Variants in GRID1 observed in about 807,000 individuals in gnomAD.
GRID1 encodes the protein glutamate ionotropic receptor delta type subunit 1.
GRID1 carries 28 observed loss-of-function variants against 98.0 expected under a neutral mutation model. That is an observed-to-expected ratio of 0.29 (90% CI 0.21 to 0.39). The LOEUF (loss-of-function observed/expected upper bound fraction) is 0.39. GRID1 is among the 10% of genes least tolerant of loss of function. The pLI is 1.00. For synonymous variants in GRID1, 553 were observed against 538.5 expected (o/e 1.03, Z -0.37); for missense variants, 1,111 against 1,340.5 (o/e 0.83, Z 2.67).
In GRID1 at chr10:86,161,744, C is replaced by T. The variant is rs1367680746; in HGVS notation, c.521-22720G>A. Among the ~76,000 whole-genome samples, 5 of 152,150 alleles carry T rather than the reference C, an allele frequency of 3.3e-5. No homozygotes were observed. In the South Asian group the frequency reaches 6.2e-4, roughly 19 times the overall value. On this transcript the variant is annotated intron_variant, in intron 3 of 15. Transcript: ENST00000327946. ...CAGGTGGAGATGACTTGCTGGCTGA[C>T]TTGCCTGAGCCACAGGCTTGCAAGC...
chr10:85,958,786 C>G (rs941368321), intron 4 of GRID1, among the ~76,000 whole-genome samples: 1 of 151,716 alleles, frequency 6.6e-6, no homozygotes, highest in Admixed American at 6.6e-5. Flanking sequence ...GGAGAAACCC[C>G]ATCTCTACTA....
At chr10:86,184,135 T>G (rs191559072) in intron 3 of GRID1, among the ~76,000 whole-genome samples, 306 of 152,300 alleles carry the variant, frequency 2.0e-3, no homozygotes, top group African/African-American at 7.0e-3. Context: ...GTTTTAAGAG[T>G]TTTTATACTC....
intron 2 of GRID1, among the ~76,000 whole-genome samples, chr10:86,302,551 T>A (rs1847704551): frequency 6.6e-6 from 1 of 152,160 alleles, no homozygotes; most frequent in Non-Finnish European, 1.5e-5. Flanking sequence ...CTTGATATGA[T>A]GATATTTGAA....
At chr10:86,324,613 T>C (rs963647399) in intron 2 of GRID1, among the ~76,000 whole-genome samples, 3 of 151,808 alleles carry the variant, frequency 2.0e-5, no homozygotes, top group African/African-American at 4.8e-5. Context: ...AACAAAAACC[T>C]GGACAAAGAA....
chr10:86,259,888 T>G (rs1047412440), intron 2 of GRID1, among the ~76,000 whole-genome samples: 1 of 152,232 alleles, frequency 6.6e-6, no homozygotes, highest in Non-Finnish European at 1.5e-5. Context: ...GTTCCTCCAT[T>G]CAGTGGGAAG....
At chr10:86,104,960 C>T (rs1240688961) in intron 4 of GRID1, among the ~76,000 whole-genome samples, 2 of 152,202 alleles carry the variant, frequency 1.3e-5, no homozygotes, top group African/African-American at 2.4e-5. Flanking sequence ...TGACAGGCCT[C>T]GTGCCCCCAT....
At chr10:86,083,989 C>T (rs1844014047) in intron 4 of GRID1, among the ~76,000 whole-genome samples, 1 of 152,226 alleles carries the variant, frequency 6.6e-6, no homozygotes, top group African/African-American at 2.4e-5. Context: ...CATCCGGAGT[C>T]CCTGCTGGAC....
chr10:85,966,482 C>T (rs1338411647), intron 4 of GRID1, among the ~76,000 whole-genome samples: 3 of 151,938 alleles, frequency 2.0e-5, no homozygotes, highest in African/African-American at 7.3e-5. Context: ...TACAGAACCC[C>T]CAGGAAAGGG....
intron 3 of GRID1, among the ~76,000 whole-genome samples, chr10:86,144,679 CT>C (rs992029084): frequency 6.6e-6 from 1 of 152,190 alleles, no homozygotes; most frequent in Non-Finnish European, 1.5e-5. Context: ...CCCTCTCCCC[CT>C]GGGCTTGCAG....
intron 2 of GRID1, among the ~76,000 whole-genome samples, chr10:86,260,362 C>T (rs543794231): frequency 1.3e-5 from 2 of 152,216 alleles, no homozygotes; most frequent in African/African-American, 4.8e-5. Context: ...AGTTAGGTAA[C>T]TTTCCCTAGG....
At chr10:86,096,843 A>G (rs1844227636) in intron 4 of GRID1, among the ~76,000 whole-genome samples, 1 of 152,226 alleles carries the variant, frequency 6.6e-6, no homozygotes, top group African/African-American at 2.4e-5. Flanking sequence ...AGCACCCAGT[A>G]TGTGGTACTG....
chr10:86,071,809 A>G (rs577379007), intron 4 of GRID1, among the ~76,000 whole-genome samples: 1 of 152,262 alleles, frequency 6.6e-6, no homozygotes, highest in African/African-American at 2.4e-5. Flanking sequence ...CTAGTAAAGG[A>G]GAGGGAAACC....
At chr10:85,859,752 T>C (rs1033767741) in intron 6 of GRID1, among the ~76,000 whole-genome samples, 22 of 152,158 alleles carry the variant, frequency 1.4e-4, no homozygotes, top group Admixed American at 1.4e-3. Flanking sequence ...TCCCCCATCT[T>C]CTCTCCAACC....
At chr10:85,984,558 C>A (rs765689486) in intron 4 of GRID1, among the ~76,000 whole-genome samples, 9 of 152,174 alleles carry the variant, frequency 5.9e-5, no homozygotes, top group African/African-American at 2.2e-4. Flanking sequence ...GAGAGGTGGG[C>A]AGGAAACTCA....
At chr10:85,786,329 G>A (rs975323455) in intron 8 of GRID1, among the ~76,000 whole-genome samples, 4 of 152,200 alleles carry the variant, frequency 2.6e-5, no homozygotes, top group Non-Finnish European at 5.9e-5. Context: ...CTGAGGGCAT[G>A]ATCCCTGTTC....
intron 13 of GRID1, among the ~76,000 whole-genome samples, chr10:85,627,656 T>A (rs1343353888): frequency 6.6e-6 from 1 of 152,162 alleles, no homozygotes; most frequent in Non-Finnish European, 1.5e-5. Context: ...TCGGCCTCCT[T>A]CCTTCTGCAC....
intron 4 of GRID1, among the ~76,000 whole-genome samples, chr10:86,064,575 C>A (rs1294214546): frequency 6.6e-6 from 1 of 152,204 alleles, no homozygotes; most frequent in African/African-American, 2.4e-5. Context: ...ACAGAGGAAC[C>A]AAGGTTGGTA....
intron 4 of GRID1, among the ~76,000 whole-genome samples, chr10:86,069,833 G>A (rs1179142167): frequency 6.6e-6 from 1 of 152,170 alleles, no homozygotes; most frequent in African/African-American, 2.4e-5. Context: ...TGCCTCAGCT[G>A]GGGTGTGATG....
chr10:86,327,693 G>A (rs1053104464), intron 2 of GRID1, among the ~76,000 whole-genome samples: 2 of 152,262 alleles, frequency 1.3e-5, no homozygotes, highest in South Asian at 2.1e-4. Flanking sequence ...CAGTAATTAG[G>A]GAAATGGAAA....
Sources: allele counts gnomAD v4.1 joint callset (sites outside exome capture counted in the v4.1 genomes callset), GRCh38; gene constraint gnomAD v4.1.1; transcripts MANE v1.5; gene names NCBI Gene and HGNC (gene_info 2026-07-23, HGNC 2026-07-21).